Variants in TBC1D22A observed in about 807,000 individuals in gnomAD.
TBC1D22A encodes putative GTPase activator.
TBC1D22A carries 38 observed loss-of-function variants against 60.2 expected under a neutral mutation model. That is an observed-to-expected ratio of 0.63 (90% CI 0.49 to 0.83). The LOEUF is 0.83. Ranked by LOEUF, TBC1D22A falls within the 40% of genes least tolerant of loss-of-function variation. The pLI, the probability that TBC1D22A is intolerant of heterozygous loss-of-function variation, is 0.00. For synonymous variants in TBC1D22A, 302 were observed against 281.7 expected (o/e 1.07, Z -0.72); for missense variants, 628 against 701.0 (o/e 0.90, Z 1.18).
intron 11 of TBC1D22A, among the ~76,000 whole-genome samples, chr22:47,095,287 C>G (rs5766669): frequency 0.46 from 69,504 of 152,162 alleles, 16,424 homozygotes; most frequent in East Asian, 0.59. Flanking sequence ...AAAACCACAT[C>G]TATGTAAATA....
At position 46,812,933 on chromosome 22, in the gene TBC1D22A, G is replaced by A. The variant is rs574210681; in HGVS notation, c.637+15313G>A. ...CCATGCTGCAGTTGATCTTTGTGGC[G>A]TGTACGGTCTCTTTCCTGTTATTGA... is the stretch of plus-strand genomic sequence containing the variant. On this transcript the variant is annotated intron_variant, in intron 4 of 12. Transcript: ENST00000337137. Among the ~76,000 whole-genome samples the A allele has an allele frequency of 1.6e-3, 247 of 152,250 alleles. 1 individual carries two copies. The highest frequency in any genetic ancestry group is 5.8e-3 in the African/African-American group (240 of 41,530).
intron 12 of TBC1D22A, among the ~76,000 whole-genome samples, chr22:47,163,864 C>G (rs1200472089): frequency 6.6e-6 from 1 of 152,190 alleles, no homozygotes; most frequent in African/African-American, 2.4e-5. Context: ...ACTGGGACGC[C>G]AAGAGTCCAG....
intron 4 of TBC1D22A, among the ~76,000 whole-genome samples, chr22:46,834,742 C>G (rs1325362982): frequency 1.3e-5 from 2 of 152,208 alleles, no homozygotes. Flanking sequence ...GGCTAGTCCA[C>G]AAATTTCATA....
chr22:46,827,497 C>T (rs1324105436), intron 4 of TBC1D22A, among the ~76,000 whole-genome samples: 3 of 152,234 alleles, frequency 2.0e-5, no homozygotes, highest in African/African-American at 4.8e-5. Context: ...TCCTTTCTCA[C>T]GGACTTACCT....
Position 46,830,513 on chromosome 22 carries a change from C to T in TBC1D22A, c.637+32893C>T, listed in dbSNP as rs182882948. On this transcript the variant is annotated intron_variant, in intron 4 of 12. Transcript: ENST00000337137. ...CTGGAAAGTGCAGTCTGTCTGGGACCGCTCCCATGGCACAGAGCAGAAGCA... is the reference window on the plus strand; with the variant it reads ...CTGGAAAGTGCAGTCTGTCTGGGACTGCTCCCATGGCACAGAGCAGAAGCA... Among the ~76,000 whole-genome samples, 190 of 152,334 alleles carry T rather than the reference C, an allele frequency of 1.2e-3. 1 individual carries two copies. In the East Asian group the frequency reaches 0.024, roughly 20 times the overall value.
At chr22:46,911,934 T>G in intron 7 of TBC1D22A, 140 bp from the exon 8 acceptor site, 1 of 548,010 alleles carries the variant, frequency 1.8e-6, no homozygotes, top group Non-Finnish European at 3.2e-6. Context: ...AAAAAAAAAA[T>G]TGATATTTGT....
At chr22:47,118,609 T>A (rs1601571728) in intron 12 of TBC1D22A, among the ~76,000 whole-genome samples, 1 of 151,628 alleles carries the variant, frequency 6.6e-6, no homozygotes, top group East Asian at 1.9e-4. Flanking sequence ...ATAAAGACAA[T>A]AAAAGAATGA....
chr22:46,927,079 G>A (rs1050088799), intron 8 of TBC1D22A, among the ~76,000 whole-genome samples: 1 of 152,150 alleles, frequency 6.6e-6, no homozygotes, highest in African/African-American at 2.4e-5. Flanking sequence ...TAGAAGAGGA[G>A]GGAGCACTTT....
intron 1 of TBC1D22A, among the ~76,000 whole-genome samples, chr22:46,765,496 C>T (rs1349125365): frequency 1.3e-5 from 2 of 152,020 alleles, no homozygotes; most frequent in Non-Finnish European, 2.9e-5. Context: ...GATGGAGTCT[C>T]ACTGTGTTGC....
chr22:47,013,107 G>A (rs112152862), intron 10 of TBC1D22A, among the ~76,000 whole-genome samples: 21 of 152,344 alleles, frequency 1.4e-4, no homozygotes, highest in African/African-American at 5.1e-4. Context: ...GAGCTGCTGG[G>A]CACTGCCTCT....
rs7290104 is a variant in TBC1D22A, at chr22:47,110,635, A to G, written c.1330-873A>G. ...TCCCAGTCTTTGCCTTGTTTTCTCC[A>G]TAGCACATCACCATCTAATGCACTG... On this transcript the variant is annotated intron_variant, in intron 11 of 12. Coordinates refer to ENST00000337137, the MANE Select transcript of TBC1D22A (RefSeq NM_014346.5). Among the ~76,000 whole-genome samples, 929 of 152,268 alleles carry G rather than the reference A, an allele frequency of 6.1e-3. 9 individuals carry two copies. The highest frequency in any genetic ancestry group is 0.021 in the African/African-American group (887 of 41,538).
At chr22:46,983,635 G>A (rs1344847026) in intron 9 of TBC1D22A, among the ~76,000 whole-genome samples, 1 of 151,602 alleles carries the variant, frequency 6.6e-6, no homozygotes, top group Non-Finnish European at 1.5e-5. Context: ...TGGAGGGAGG[G>A]TCCTTTGTGG....
intron 4 of TBC1D22A, among the ~76,000 whole-genome samples, chr22:46,845,534 G>A (rs963848426): frequency 2.6e-5 from 4 of 152,164 alleles, no homozygotes; most frequent in Admixed American, 2.6e-4. Context: ...GGAGATCCAC[G>A]AACCTGGTGT....
chr22:46,832,482 C>T (rs890753038), intron 4 of TBC1D22A, among the ~76,000 whole-genome samples: 1 of 152,064 alleles, frequency 6.6e-6, no homozygotes, highest in African/African-American at 2.4e-5. Context: ...AACCCTGTCT[C>T]TACTAAAAAT....
At chr22:47,156,795 G>A (rs1009064029) in intron 12 of TBC1D22A, among the ~76,000 whole-genome samples, 1 of 152,150 alleles carries the variant, frequency 6.6e-6, no homozygotes, top group Non-Finnish European at 1.5e-5. Context: ...CCCTTCTCCG[G>A]CCCCTCAGCT....
chr22:46,907,302 A>G (rs913852381), intron 7 of TBC1D22A, among the ~76,000 whole-genome samples: 7 of 151,930 alleles, frequency 4.6e-5, no homozygotes, highest in Non-Finnish European at 8.8e-5. Flanking sequence ...CTTTCAATGG[A>G]GTTACTTCTG....
At chr22:46,944,102 T>G (rs1025968984) in intron 8 of TBC1D22A, among the ~76,000 whole-genome samples, 13 of 152,220 alleles carry the variant, frequency 8.5e-5, no homozygotes, top group African/African-American at 2.9e-4. Context: ...TTTTACCTTT[T>G]ACCTTTGAAG....
chr22:47,027,323 TTTTA>T (rs1275174255), intron 10 of TBC1D22A, among the ~76,000 whole-genome samples: 5 of 152,204 alleles, frequency 3.3e-5, no homozygotes, highest in African/African-American at 1.2e-4. Flanking sequence ...TTAAATTTAT[TTTTA>T]TTTATTTAAC....
chr22:47,116,067 C>T (rs1461953341), intron 12 of TBC1D22A: 1 of 152,314 alleles, frequency 6.6e-6, no homozygotes, highest in East Asian at 1.9e-4. Context: ...AGGCCGCCCT[C>T]TCCCCGCCGG....
Sources: allele counts gnomAD v4.1 joint callset (sites outside exome capture counted in the v4.1 genomes callset), GRCh38; gene constraint gnomAD v4.1.1; transcripts MANE v1.5; gene names NCBI Gene and HGNC (gene_info 2026-07-23, HGNC 2026-07-21).